CWC27: variants seen among roughly 807,000 people sequenced by gnomAD.
CWC27 encodes the protein spliceosome-associated protein CWC27 homolog.
Under a neutral mutation model 63.6 loss-of-function variants are expected in CWC27, and 47 were observed. The observed-to-expected ratio is 0.74, with a 90% CI of 0.58 to 0.94. The LOEUF is 0.94. Ranked by LOEUF, CWC27 falls within the 40% of genes least tolerant of loss-of-function variation. The pLI is 0.00. For missense variants in CWC27, 495 were observed against 554.3 expected (o/e 0.89, Z 1.07); for synonymous variants, 175 against 179.8 (o/e 0.97, Z 0.22).
chr5:64,982,880 C>G (rs988606749), intron 13 of CWC27, among the ~76,000 whole-genome samples: 2 of 152,174 alleles, frequency 1.3e-5, no homozygotes, highest in African/African-American at 2.4e-5. Context: ...AGCAGGCAAG[C>G]GAGCTTTACT....
In CWC27 at chr5:64,785,599, G is replaced by T. The variant is rs755029729; in HGVS notation, c.495+20G>T. 3.5e-6 allele frequency: 5 copies of T among 1,419,532 alleles called. No individual in the cohort carries two copies. Among genetic ancestry groups the T allele is most frequent in the South Asian group, 1.2e-5 (1 of 84,266 alleles). The allele number at this position is 1,419,532 out of a possible 1,614,324, so 87.9% of individuals were successfully genotyped here. A position where few individuals can be genotyped will look rare whatever the true frequency, so the allele number is the denominator to read the frequency against. ...TGTGAGGTAGGAGCATGATTATTAC[G>T]AGATACAGCACTTACATTGTCGTTT... On this transcript the variant is annotated intron_variant, in intron 5 of 13. Coordinates refer to ENST00000381070, the MANE Select transcript of CWC27 (RefSeq NM_005869.4).
intron 11 of CWC27, among the ~76,000 whole-genome samples, chr5:64,942,358 A>T (rs1189516732): frequency 8.1e-5 from 12 of 148,778 alleles, no homozygotes. Flanking sequence ...TGAACCCAGG[A>T]GTTCAAGGCT....
At chr5:64,972,021 T>C (rs1394282734) in intron 12 of CWC27, among the ~76,000 whole-genome samples, 1 of 152,210 alleles carries the variant, frequency 6.6e-6, no homozygotes, top group East Asian at 1.9e-4. Context: ...TGAAAAAGCC[T>C]GGAACTTCCA....
At chr5:64,799,579 C>G (rs1446440328) in intron 7 of CWC27, among the ~76,000 whole-genome samples, 5 of 82,372 alleles carry the variant, frequency 6.1e-5, no homozygotes, top group Non-Finnish European at 1.3e-4. Context: ...AGTGAGACTC[C>G]ATCTCAAAAT....
At chr5:64,806,969 C>T (rs568628320) in intron 10 of CWC27, among the ~76,000 whole-genome samples, 47 of 152,148 alleles carry the variant, frequency 3.1e-4, no homozygotes, top group South Asian at 2.9e-3. Context: ...AAAACTACAA[C>T]GTGGTAAAAG....
chr5:64,962,076 C>A (rs1479823244), intron 11 of CWC27, among the ~76,000 whole-genome samples: 1 of 152,140 alleles, frequency 6.6e-6, no homozygotes, highest in African/African-American at 2.4e-5. Flanking sequence ...TTTTAAATGT[C>A]TTGTGTATTT....
At position 64,951,923 on chromosome 5, in the gene CWC27, T is replaced by C. The variant is rs567200518; in HGVS notation, c.1043-19780T>C. On this transcript the variant is annotated intron_variant, in intron 11 of 13. Transcript: ENST00000381070. ...TCCAAATATGTGTTTATAAAATGTA[T>C]TTATGACTCATATGTAGGTACTACT... Among the ~76,000 whole-genome samples the C allele has an allele frequency of 5.3e-5, 8 of 152,086 alleles. No individual in the cohort carries two copies. In the East Asian group the frequency reaches 1.4e-3, roughly 26 times the overall value.
At chr5:65,000,005 G>T (rs996704666) in intron 13 of CWC27, among the ~76,000 whole-genome samples, 9 of 151,900 alleles carry the variant, frequency 5.9e-5, no homozygotes, top group Non-Finnish European at 1.3e-4. Context: ...TTCGTTATTT[G>T]CTGTCTCTTT....
chr5:64,789,748 T>A lies in CWC27; in HGVS notation c.669+728T>A, dbSNP rs142123751. Among the ~76,000 whole-genome samples, 23 of 152,296 alleles carry A rather than the reference T, an allele frequency of 1.5e-4. No individual in the cohort carries two copies. In the East Asian group the frequency reaches 3.9e-3, roughly 26 times the overall value. On this transcript the variant is annotated intron_variant, in intron 7 of 13. Transcript: ENST00000381070. ...TGGTGTGTATACTACAAGAAAACTG[T>A]CTTCAAGGGTTTCTACTCCTAAAGG...
intron 10 of CWC27, among the ~76,000 whole-genome samples, chr5:64,879,785 G>A (rs1465245211): frequency 7.9e-6 from 1 of 126,784 alleles, no homozygotes; most frequent in East Asian, 2.6e-4. Context: ...TTGAGAAATC[G>A]GTTGCAAAAA....
At chr5:64,882,470 A>G (rs1746962789) in intron 10 of CWC27, among the ~76,000 whole-genome samples, 1 of 152,234 alleles carries the variant, frequency 6.6e-6, no homozygotes, top group Admixed American at 6.5e-5. Context: ...TGTATTTTGA[A>G]GACTTAGTAC....
intron 10 of CWC27, among the ~76,000 whole-genome samples, chr5:64,845,896 C>G (rs1459948302): frequency 6.6e-6 from 1 of 152,158 alleles, no homozygotes; most frequent in Non-Finnish European, 1.5e-5. Flanking sequence ...AAATTTCAAT[C>G]AAATTCAACA....
chr5:64,928,686 TAGA>T (rs2112399354), intron 11 of CWC27, among the ~76,000 whole-genome samples: 1 of 152,130 alleles, frequency 6.6e-6, no homozygotes, highest in South Asian at 2.1e-4. Context: ...AGAGAAGAGG[TAGA>T]AGTGATAGGG....
chr5:64,776,068 C>CGAGAGAGGGAGAGAGAGAGAGAGA (rs1743432342), intron 2 of CWC27, among the ~76,000 whole-genome samples: 1 of 108,556 alleles, frequency 9.2e-6, no homozygotes, highest in African/African-American at 3.8e-5. Context: ...AGGAGTGGAG[C>CGAGAGAGGGAGAGAGAGAGAGAGA]GAGAGAGAGA....
chr5:64,804,618 C>CT, intron 10 of CWC27: 1 of 401,998 alleles, frequency 2.5e-6, no homozygotes. Flanking sequence ...CTCTCTGATC[C>CT]TTTTTTAGAA....
intron 2 of CWC27, among the ~76,000 whole-genome samples, chr5:64,778,329 C>T (rs1743534186): frequency 6.6e-6 from 1 of 152,046 alleles, no homozygotes; most frequent in Admixed American, 6.6e-5. Flanking sequence ...CTCTCTCACT[C>T]CCCCTCTCTC....
chr5:64,850,355 T>TA lies in CWC27; in HGVS notation c.939-35086dup, dbSNP rs1188517597. Among the ~76,000 whole-genome samples, 4 of 152,116 alleles carry TA rather than the reference T, an allele frequency of 2.6e-5. No individual in the cohort carries two copies. The East Asian group carries it at 7.7e-4, about 29-fold the overall frequency. ...ATTGGGAAAAGGATAGTCTCATCAA[T>TA]AAGTGGTTTTGGGAAAACTGGATAT... On this transcript the variant is annotated intron_variant, in intron 10 of 13. Transcript: ENST00000381070.
chr5:64,936,423 A>G (rs562147526), intron 11 of CWC27, among the ~76,000 whole-genome samples: 1 of 152,278 alleles, frequency 6.6e-6, no homozygotes, highest in East Asian at 1.9e-4. Flanking sequence ...CCTATGTTGA[A>G]CCAGCCATGC....
intron 8 of CWC27, among the ~76,000 whole-genome samples, chr5:64,800,847 A>G (rs1457621359): frequency 6.6e-6 from 1 of 152,166 alleles, no homozygotes; most frequent in Non-Finnish European, 1.5e-5. Flanking sequence ...TAATAGCACA[A>G]GATAAACTGG....
Sources: gnomAD v4.1 joint callset for allele counts (sites outside exome capture counted in the v4.1 genomes callset) on GRCh38, gnomAD v4.1.1 for gene constraint, MANE v1.5 for transcripts, NCBI Gene and HGNC (gene_info 2026-07-23, HGNC 2026-07-21) for gene names.